Variants in GALNT17 observed in about 807,000 individuals in gnomAD.
GALNT17 encodes the protein UDP-GalNAc:polypeptide N-acetylgalactosaminyltransferase-like 3.
Under a neutral mutation model 63.7 loss-of-function variants are expected in GALNT17, and 29 were observed. The ratio of observed to expected loss-of-function variants is 0.46; its 90% CI spans 0.34 to 0.62. GALNT17 has a LOEUF of 0.62. Among genes scored for constraint, GALNT17 ranks in the 20% least tolerant of loss-of-function variants. The pLI, the probability that GALNT17 is intolerant of heterozygous loss-of-function variation, is 0.01. For synonymous variants in GALNT17, 305 were observed against 318.3 expected, an observed-to-expected ratio of 0.96 and a Z score of 0.45; for missense variants, 603 against 799.6, an observed-to-expected ratio of 0.75 and a Z score of 2.97.
chr7:71,711,660 A>G (rs953585008), intron 10 of GALNT17, among the ~76,000 whole-genome samples: 3 of 130,566 alleles, frequency 2.3e-5, no homozygotes, highest in Non-Finnish European at 4.9e-5. Context: ...TCTCCCCTTT[A>G]TCTTTCTCTT....
intron 1 of GALNT17, among the ~76,000 whole-genome samples, chr7:71,286,999 G>T (rs961040045): frequency 6.6e-6 from 1 of 151,922 alleles, no homozygotes; most frequent in African/African-American, 2.4e-5. Context: ...TCCCCATGTT[G>T]CCCGGGCTAG....
rs557152688 is a variant in GALNT17 at position 71,152,582 on chromosome 7, A to G, written c.238+19542A>G. ...CCGCAGCCCCGGGGGATCCTGATCC[A>G]CTTTTCTTCTTCCCCATGAGATAGG... On this transcript the variant is annotated intron_variant, in intron 1 of 10. Coordinates refer to ENST00000333538, the MANE Select transcript of GALNT17 (RefSeq NM_022479.3). Among the ~76,000 whole-genome samples, 131 of 151,994 alleles carry G rather than the reference A, an allele frequency of 8.6e-4. 1 individual carries two copies. The highest frequency in any genetic ancestry group is 2.8e-3 in the African/African-American group (117 of 41,494).
chr7:71,596,138 A>T (rs1789881671), intron 6 of GALNT17, among the ~76,000 whole-genome samples: 1 of 152,176 alleles, frequency 6.6e-6, no homozygotes. Context: ...TCCTGGGTTC[A>T]AGCAATTCTC....
At chr7:71,165,231 A>G (rs1301834461) in intron 1 of GALNT17, among the ~76,000 whole-genome samples, 1 of 152,218 alleles carries the variant, frequency 6.6e-6, no homozygotes, top group East Asian at 1.9e-4. Flanking sequence ...CTTGAGGGCA[A>G]TACTTGAAGT....
chr7:71,376,975 A>G (rs887712409), intron 2 of GALNT17, among the ~76,000 whole-genome samples: 11 of 150,344 alleles, frequency 7.3e-5, no homozygotes, highest in Non-Finnish European at 1.2e-4. Context: ...AATCTCAGCC[A>G]TTCTGGAGGC....
At chr7:71,213,446 G>T (rs1789419099) in intron 1 of GALNT17, among the ~76,000 whole-genome samples, 2 of 140,328 alleles carry the variant, frequency 1.4e-5, no homozygotes, top group Admixed American at 1.4e-4. Flanking sequence ...TTTCATAGAT[G>T]TTTATGGTTT....
chr7:71,226,024 G>C (rs1789673455), intron 1 of GALNT17, among the ~76,000 whole-genome samples: 1 of 152,160 alleles, frequency 6.6e-6, no homozygotes, highest in South Asian at 2.1e-4. Context: ...TAAAAGATTA[G>C]AGGATATATC....
chr7:71,495,814 C>A (rs1164176993), intron 5 of GALNT17, among the ~76,000 whole-genome samples: 1 of 152,100 alleles, frequency 6.6e-6, no homozygotes, highest in African/African-American at 2.4e-5. Flanking sequence ...TAGGGAATTG[C>A]AGGGTAGGGA....
In GALNT17 at chr7:71,467,111, C is replaced by T. The variant is rs561107886; in HGVS notation, c.962+46006C>T. The stretch of plus-strand genomic sequence containing the variant: ...TGGGAATGAAGTTCCTAAATAGCTT[C>T]TTTTATCTCAAGGTTGCTTAGTAGA... On this transcript the variant is annotated intron_variant, in intron 5 of 10. Coordinates refer to ENST00000333538, the MANE Select transcript of GALNT17 (RefSeq NM_022479.3). Among the ~76,000 whole-genome samples the T allele has an allele frequency of 1.2e-4, 19 of 152,270 alleles. No homozygotes were observed. The South Asian group carries it at 3.5e-3, about 28-fold the overall frequency.
At chr7:71,455,933 C>T (rs148131508) in intron 5 of GALNT17, among the ~76,000 whole-genome samples, 2 of 152,174 alleles carry the variant, frequency 1.3e-5, no homozygotes, top group Non-Finnish European at 2.9e-5. Context: ...ATCACCTACC[C>T]CTCAGAGCTC....
chr7:71,606,331 A>G (rs1386813973), intron 6 of GALNT17, among the ~76,000 whole-genome samples: 1 of 152,212 alleles, frequency 6.6e-6, no homozygotes, highest in Non-Finnish European at 1.5e-5. Flanking sequence ...TACTCACCCC[A>G]TTCCGAATCT....
intron 6 of GALNT17, among the ~76,000 whole-genome samples, chr7:71,653,589 TAG>T (rs36102771): frequency 0.31 from 46,989 of 151,426 alleles, 8,070 homozygotes; most frequent in Non-Finnish European, 0.39. Flanking sequence ...GTATTTTTAG[TAG>T]AGACAGGGTT....
chr7:71,323,822 A>G (rs1180999488), intron 1 of GALNT17, among the ~76,000 whole-genome samples: 1 of 152,192 alleles, frequency 6.6e-6, no homozygotes, highest in African/African-American at 2.4e-5. Context: ...GATATTTACG[A>G]GGTGTTTGCT....
intron 3 of GALNT17, among the ~76,000 whole-genome samples, chr7:71,396,756 G>A (rs1793146293): frequency 6.8e-6 from 1 of 146,522 alleles, no homozygotes; most frequent in African/African-American, 2.8e-5. Context: ...GAACATAGAT[G>A]TCTTTCTATT....
In GALNT17 at chr7:71,523,152, G is replaced by C. The variant is rs540472844; in HGVS notation, c.963-48133G>C. On this transcript the variant is annotated intron_variant, in intron 5 of 10. Transcript: ENST00000333538. ...AAATTTTACATTTTAGGAGCCAGGT[G>C]CAGTGGCTCATGCGTGTAATCCCAA... Among the ~76,000 whole-genome samples, 179 of 152,340 alleles carry C rather than the reference G, an allele frequency of 1.2e-3. 2 individuals are homozygous for C. The highest frequency in any genetic ancestry group is 4.1e-3 in the African/African-American group (170 of 41,576).
intron 7 of GALNT17, among the ~76,000 whole-genome samples, chr7:71,667,498 T>C: frequency 6.6e-6 from 1 of 152,174 alleles, no homozygotes. Flanking sequence ...CTGCCTCAGT[T>C]TCCTCATCTA....
At chr7:71,145,789 T>G (rs73361705) in intron 1 of GALNT17, among the ~76,000 whole-genome samples, 3,706 of 152,260 alleles carry the variant, frequency 0.024, 161 homozygotes, top group African/African-American at 0.084. Flanking sequence ...CACTATAACC[T>G]TCACCTCCTG....
At chr7:71,250,039 T>TA (rs1472042223) in intron 1 of GALNT17, among the ~76,000 whole-genome samples, 1 of 152,232 alleles carries the variant, frequency 6.6e-6, no homozygotes, top group Non-Finnish European at 1.5e-5. Context: ...TGAGTTTTTA[T>TA]AAATTAAATT....
At chr7:71,627,188 C>T (rs948502942) in intron 6 of GALNT17, among the ~76,000 whole-genome samples, 11 of 152,190 alleles carry the variant, frequency 7.2e-5, no homozygotes, top group Non-Finnish European at 1.5e-4. Flanking sequence ...CTGAGTGCAA[C>T]GTGGTCTCCC....
Sources: allele counts gnomAD v4.1 joint callset (sites outside exome capture counted in the v4.1 genomes callset), GRCh38; gene constraint gnomAD v4.1.1; transcripts MANE v1.5; gene names NCBI Gene and HGNC (gene_info 2026-07-23, HGNC 2026-07-21).